The following CCDC178 variants were observed in gnomAD, a reference collection of about 807,000 sequenced individuals.
CCDC178 encodes coiled-coil domain containing 178, also known as coiled-coil domain-containing protein 178.
A neutral mutation model predicts 117.4 loss-of-function variants in CCDC178; 126 were observed. The ratio of observed to expected loss-of-function variants is 1.07; its 90% CI spans 0.93 to 1.24. The LOEUF is 1.24. Ranked by LOEUF, CCDC178 falls within the 50% of genes most tolerant of loss-of-function variation. The probability of loss-of-function intolerance (pLI) is 0.00; values close to 1 mark genes in which losing one functional copy is unlikely to be tolerated. For missense variants in CCDC178, 1,030 were observed against 986.9 expected, an observed-to-expected ratio of 1.04 and a Z score of -0.59; for synonymous variants, 283 against 313.4, an observed-to-expected ratio of 0.90 and a Z score of 1.02.
At chr18:33,122,545 C>T (rs1366745053) in intron 20 of CCDC178, among the ~76,000 whole-genome samples, 2 of 152,058 alleles carry the variant, frequency 1.3e-5, no homozygotes, top group Non-Finnish European at 2.9e-5. Context: ...CACTCATACT[C>T]CCACCACTTA....
chr18:32,991,464 GTC>G (rs2055392197), intron 21 of CCDC178, among the ~76,000 whole-genome samples: 1 of 152,212 alleles, frequency 6.6e-6, no homozygotes, highest in Admixed American at 6.5e-5. Context: ...AGATAAAAAA[GTC>G]TGTGGAGGCG....
chr18:33,055,892 C>T (rs1427534391), intron 21 of CCDC178, among the ~76,000 whole-genome samples: 2 of 151,838 alleles, frequency 1.3e-5, no homozygotes, highest in Admixed American at 6.6e-5. Context: ...GCAACCTCCA[C>T]CTCTGGGTTC....
intron 21 of CCDC178, among the ~76,000 whole-genome samples, chr18:33,035,802 CTTTA>C (rs1241770085): frequency 2.0e-5 from 3 of 151,826 alleles, no homozygotes; most frequent in Admixed American, 2.0e-4. Context: ...TATATATAAT[CTTTA>C]TTTGTCAATT....
At chr18:33,328,151 G>T (rs779190939) in intron 10 of CCDC178, 1 of 293,510 alleles carries the variant, frequency 3.4e-6, no homozygotes, top group African/African-American at 2.6e-5. Context: ...TGCCAGGCTG[G>T]AGTGCAGTGG....
chr18:33,240,110 G>A (rs1459038606), intron 15 of CCDC178, among the ~76,000 whole-genome samples: 7 of 151,696 alleles, frequency 4.6e-5, no homozygotes, highest in South Asian at 2.1e-4. Context: ...CAAATGCATG[G>A]CATTTAAACA....
rs1491476910 is a variant in CCDC178 at position 33,379,150 on chromosome 18, A to ATT, written c.209-8962_209-8961insAA. On this transcript the variant is annotated intron_variant, in intron 5 of 22. Transcript: ENST00000383096. The stretch of plus-strand genomic sequence containing the variant: ...AATATATATATTTCCATATATATAT[A>ATT]ATATATATATTTCCATATATATAAT... Among the ~76,000 whole-genome samples, 419 of 114,546 alleles carry ATT rather than the reference A, an allele frequency of 3.7e-3. 5 individuals carry two copies. Among genetic ancestry groups the ATT allele is most frequent in the African/African-American group, 0.013 (404 of 30,800 alleles). 75.1% of individuals were successfully genotyped at this position (114,546 alleles called of 152,430 possible).
At chr18:33,416,044 T>G (rs1288496938) in intron 2 of CCDC178, among the ~76,000 whole-genome samples, 2 of 152,168 alleles carry the variant, frequency 1.3e-5, no homozygotes, top group Admixed American at 6.5e-5. Context: ...AAGCCTGCTT[T>G]CTTTAGTCAA....
At chr18:33,246,132 A>T (rs1015942169) in intron 14 of CCDC178, among the ~76,000 whole-genome samples, 10 of 152,046 alleles carry the variant, frequency 6.6e-5, no homozygotes, top group African/African-American at 2.4e-4. Context: ...GCTTATAATA[A>T]TATACAATAA....
chr18:33,267,378 T>G, intron 12 of CCDC178, 81 bp from the exon 13 acceptor site: 1 of 773,360 alleles, frequency 1.3e-6, no homozygotes, highest in Non-Finnish European at 2.0e-6. Context: ...TTAATCATGA[T>G]AAAGTAGAAT....
rs995746145 is a variant in CCDC178 at position 33,031,383 on chromosome 18, A to G, written c.2389-56702T>C. 3.9e-5 allele frequency among the ~76,000 whole-genome samples: 6 copies of G among 152,140 alleles called. No individual in the cohort carries two copies. In the South Asian group the frequency reaches 1.2e-3, roughly 32 times the overall value. On this transcript the variant is annotated intron_variant, in intron 21 of 22. Transcript: ENST00000383096. ...CACCTCAGCCACCTGAGTAGCTAGG[A>G]ATACAGGTGCATACCCTCCACGCAG... is the stretch of plus-strand genomic sequence containing the variant.
intron 20 of CCDC178, among the ~76,000 whole-genome samples, chr18:33,101,359 G>A (rs1486340625): frequency 6.6e-6 from 1 of 151,614 alleles, no homozygotes; most frequent in East Asian, 1.9e-4. Context: ...CTCTTCATGT[G>A]TACCTCCTGA....
At chr18:32,973,069 T>A (rs563320772) in intron 22 of CCDC178, among the ~76,000 whole-genome samples, 2 of 152,172 alleles carry the variant, frequency 1.3e-5, no homozygotes, top group East Asian at 3.9e-4. Flanking sequence ...GTAACAGCCA[T>A]ACAAATAAGC....
intron 21 of CCDC178, among the ~76,000 whole-genome samples, chr18:33,018,206 A>C (rs2056035238): frequency 6.6e-6 from 1 of 152,094 alleles, no homozygotes; most frequent in Non-Finnish European, 1.5e-5. Context: ...TAGTCATTTG[A>C]GAAATCAAAA....
chr18:33,261,419 GC>G (rs953526398), intron 14 of CCDC178, among the ~76,000 whole-genome samples: 15 of 150,590 alleles, frequency 1.0e-4, no homozygotes, highest in African/African-American at 5.0e-5. Context: ...GCCAAGGTAT[GC>G]CCCCCTCTAT....
intron 12 of CCDC178, among the ~76,000 whole-genome samples, chr18:33,274,255 C>T (rs908557605): frequency 1.3e-5 from 2 of 151,760 alleles, no homozygotes; most frequent in Admixed American, 6.6e-5. Flanking sequence ...ACAGATAATA[C>T]TGATTGTTGC....
intron 22 of CCDC178, among the ~76,000 whole-genome samples, chr18:32,948,170 T>C (rs1251691776): frequency 1.3e-5 from 2 of 152,146 alleles, no homozygotes; most frequent in African/African-American, 4.8e-5. Flanking sequence ...GATGTTGTTT[T>C]GGCTATTCTA....
chr18:33,144,842 A>AT (rs1428962077), intron 20 of CCDC178, among the ~76,000 whole-genome samples: 1 of 152,168 alleles, frequency 6.6e-6, no homozygotes, highest in East Asian at 1.9e-4. Context: ...AACGAGCAGT[A>AT]TTTTTCCTAG....
chr18:33,185,028 T>A (rs2058773888), intron 20 of CCDC178, among the ~76,000 whole-genome samples: 1 of 152,036 alleles, frequency 6.6e-6, no homozygotes, highest in African/African-American at 2.4e-5. Flanking sequence ...ACACAGCTTT[T>A]TTTTTCTGAA....
At chr18:33,396,572 G>A (rs868760600) in intron 4 of CCDC178, among the ~76,000 whole-genome samples, 27 of 152,128 alleles carry the variant, frequency 1.8e-4, no homozygotes, top group African/African-American at 6.3e-4. Context: ...AAATTACATT[G>A]AGCAAAAAAA....
Sources: allele counts gnomAD v4.1 joint callset (sites outside exome capture counted in the v4.1 genomes callset), GRCh38; gene constraint gnomAD v4.1.1; transcripts MANE v1.5; gene names NCBI Gene and HGNC (gene_info 2026-07-23, HGNC 2026-07-21).